Variants in L3MBTL4 observed in about 807,000 individuals in gnomAD.
L3MBTL4 encodes L3MBTL histone methyl-lysine binding protein 4.
In L3MBTL4, 70 loss-of-function variants were observed where a neutral mutation model predicts 84.5. The ratio of observed to expected loss-of-function variants is 0.83; its 90% CI spans 0.68 to 1.01. L3MBTL4 has a LOEUF of 1.01. Among genes scored for constraint, L3MBTL4 ranks in the 50% least tolerant of loss-of-function variants. L3MBTL4 has a pLI of 0.00. For synonymous variants in L3MBTL4, 274 were observed against 259.8 expected, an observed-to-expected ratio of 1.05 and a Z score of -0.52; for missense variants, 715 against 754.8, an observed-to-expected ratio of 0.95 and a Z score of 0.62.
At chr18:6,138,786 A>C (rs537938132) in intron 13 of L3MBTL4, among the ~76,000 whole-genome samples, 67 of 152,340 alleles carry the variant, frequency 4.4e-4, no homozygotes, top group African/African-American at 1.5e-3. Flanking sequence ...TCCTGACCTC[A>C]GGCAATCTGC....
intron 16 of L3MBTL4, among the ~76,000 whole-genome samples, chr18:6,073,033 A>G (rs1424802586): frequency 1.3e-5 from 2 of 149,664 alleles, no homozygotes; most frequent in African/African-American, 2.5e-5. Context: ...AGGCAGAAAT[A>G]TAATAGCAGA....
chr18:6,169,675 G>C (rs915962186), intron 13 of L3MBTL4, among the ~76,000 whole-genome samples: 3 of 124,818 alleles, frequency 2.4e-5, no homozygotes, highest in African/African-American at 6.0e-5. Flanking sequence ...ACTGGGGACT[G>C]TTGTGGGGTG....
chr18:6,038,191 T>G (rs2056225327), intron 16 of L3MBTL4, among the ~76,000 whole-genome samples: 1 of 151,598 alleles, frequency 6.6e-6, no homozygotes, highest in Admixed American at 6.6e-5. Context: ...TACTTAGACA[T>G]ATTTTTAACA....
intron 10 of L3MBTL4, among the ~76,000 whole-genome samples, chr18:6,227,335 C>T (rs1212358801): frequency 6.6e-6 from 1 of 152,180 alleles, no homozygotes; most frequent in African/African-American, 2.4e-5. Flanking sequence ...GCAAAATACA[C>T]ATTGTTTTCA....
intron 13 of L3MBTL4, among the ~76,000 whole-genome samples, chr18:6,151,771 T>C (rs1209919343): frequency 2.6e-5 from 4 of 152,202 alleles, no homozygotes; most frequent in Non-Finnish European, 4.4e-5. Flanking sequence ...AACATATATA[T>C]TGTGTGATGA....
At chr18:6,218,126 G>T (rs2046401255) in intron 10 of L3MBTL4, among the ~76,000 whole-genome samples, 1 of 151,792 alleles carries the variant, frequency 6.6e-6, no homozygotes, top group Non-Finnish European at 1.5e-5. Context: ...TCTTTTTCAA[G>T]AGATGAGGTT....
At chr18:6,250,408 T>G (rs2047871950) in intron 5 of L3MBTL4, among the ~76,000 whole-genome samples, 1 of 152,056 alleles carries the variant, frequency 6.6e-6, no homozygotes, top group Non-Finnish European at 1.5e-5. Context: ...CATTATGAGA[T>G]CGAATAGATG....
chr18:6,006,537 A>C (rs542455432), intron 16 of L3MBTL4, among the ~76,000 whole-genome samples: 1 of 152,340 alleles, frequency 6.6e-6, no homozygotes, highest in African/African-American at 2.4e-5. Flanking sequence ...ATATAAAAAA[A>C]CTGGCATACA....
intron 4 of L3MBTL4, among the ~76,000 whole-genome samples, chr18:6,295,227 G>C (rs1237131657): frequency 6.6e-6 from 1 of 151,510 alleles, no homozygotes. Flanking sequence ...AGCCGGGATA[G>C]TGCCACTGCA....
chr18:6,036,448 A>T (rs983328061), intron 16 of L3MBTL4, among the ~76,000 whole-genome samples: 1 of 151,888 alleles, frequency 6.6e-6, no homozygotes, highest in Non-Finnish European at 1.5e-5. Context: ...CAGCTTCAAA[A>T]TTTCTTTTTG....
chr18:6,241,318 T>TG (rs1404660076), intron 8 of L3MBTL4, 40 bp downstream of exon 8: 1 of 1,131,856 alleles, frequency 8.8e-7, no homozygotes, highest in Non-Finnish European at 1.3e-6. Flanking sequence ...AATTTAAGCT[T>TG]GGGGGAAATT....
At chr18:5,968,650 T>C (rs2052473830) in intron 17 of L3MBTL4, among the ~76,000 whole-genome samples, 1 of 151,888 alleles carries the variant, frequency 6.6e-6, no homozygotes, top group Non-Finnish European at 1.5e-5. Context: ...TGAGCTATGA[T>C]CATGCCACTA....
chr18:6,121,438 A>C (rs2144320536), intron 14 of L3MBTL4, among the ~76,000 whole-genome samples: 1 of 152,352 alleles, frequency 6.6e-6, no homozygotes, highest in African/African-American at 2.4e-5. Flanking sequence ...TTGGAATATG[A>C]TGCTATAATT....
chr18:6,198,048 A>C (rs934174881), intron 12 of L3MBTL4, among the ~76,000 whole-genome samples: 7 of 152,156 alleles, frequency 4.6e-5, no homozygotes, highest in African/African-American at 9.7e-5. Flanking sequence ...TCTTGATGCC[A>C]CTGTGATTGC....
chr18:6,301,154 G>T (rs61496518), intron 4 of L3MBTL4, among the ~76,000 whole-genome samples: 28,824 of 151,874 alleles, frequency 0.19, 2,869 homozygotes, highest in African/African-American at 0.23. Flanking sequence ...GTATTTTTAG[G>T]TGTTTCCATT....
chr18:5,999,097 A>G (rs4797239), intron 16 of L3MBTL4, among the ~76,000 whole-genome samples: 6,867 of 152,294 alleles, frequency 0.045, 223 homozygotes, highest in Admixed American at 0.091. Context: ...CTACTGCCTC[A>G]CCACAAGTTT....
chr18:6,188,451 A>AAACT (rs113641522), intron 12 of L3MBTL4, among the ~76,000 whole-genome samples: 1,790 of 152,268 alleles, frequency 0.012, 41 homozygotes, highest in African/African-American at 0.038. Flanking sequence ...AAATGTCTAG[A>AAACT]AACTAAAAAT....
intron 1 of L3MBTL4, among the ~76,000 whole-genome samples, chr18:6,368,945 G>A (rs1237974079): frequency 6.6e-6 from 1 of 152,002 alleles, no homozygotes; most frequent in Non-Finnish European, 1.5e-5. Context: ...AGGAAAATGA[G>A]GTGGGAGAAT....
At chr18:6,073,729 A>G (rs1220433451) in intron 16 of L3MBTL4, among the ~76,000 whole-genome samples, 3 of 152,234 alleles carry the variant, frequency 2.0e-5, no homozygotes, top group African/African-American at 7.2e-5. Flanking sequence ...GGAAAATTGT[A>G]ATTCTTTTTT....
Sources: gnomAD v4.1 joint callset for allele counts (sites outside exome capture counted in the v4.1 genomes callset) on GRCh38, gnomAD v4.1.1 for gene constraint, MANE v1.5 for transcripts, NCBI Gene and HGNC (gene_info 2026-07-23, HGNC 2026-07-21) for gene names.